The following FAM3D variants were observed in gnomAD, a reference collection of about 807,000 sequenced individuals.
The protein encoded by FAM3D is FAM3 metabolism regulating signaling molecule D, also known as protein FAM3D.
In FAM3D, 26 loss-of-function variants were observed where a neutral mutation model predicts 29.8. The observed-to-expected ratio is 0.87, with a 90% CI of 0.64 to 1.21. The LOEUF (loss-of-function observed/expected upper bound fraction) is 1.21. Among genes scored for constraint, FAM3D ranks in the 50% most tolerant of loss-of-function variants. The pLI, the probability that FAM3D is intolerant of heterozygous loss-of-function variation, is 0.00. For synonymous variants in FAM3D, 115 were observed against 102.3 expected (o/e 1.12, Z -0.75); for missense variants, 253 against 290.9 (o/e 0.87, Z 0.95).
At chr3:58,662,135 AG>A (rs1281229435) in intron 1 of FAM3D, among the ~76,000 whole-genome samples, 1 of 140,302 alleles carries the variant, frequency 7.1e-6, no homozygotes, top group Non-Finnish European at 1.6e-5. Context: ...AAACTGGATC[AG>A]GGTGGGGCTG....
chr3:58,647,994 T>G (rs1187891626), intron 4 of FAM3D, among the ~76,000 whole-genome samples: 2 of 152,186 alleles, frequency 1.3e-5, no homozygotes, highest in East Asian at 3.9e-4. Flanking sequence ...GGACCTCCTG[T>G]TAAAGGCTTA....
Position 58,634,042 on chromosome 3 carries a change from C to CA in FAM3D, c.*236dup. 2.1e-6 allele frequency: 1 copy of CA among 484,182 alleles called. No homozygotes were observed. The highest frequency in any genetic ancestry group is 3.5e-5 in the East Asian group (1 of 28,356). 30.0% of individuals were successfully genotyped at this position (484,182 alleles called of 1,614,324 possible). On this transcript the variant is annotated 3_prime_UTR_variant, in exon 10 of 10. Transcript: ENST00000358781. The surrounding 1 kb of genome is among the most constrained non-coding windows in gnomAD (Gnocchi z 4.6). ...TCAGCAGTCCCTGACGAAAGCACCC[C>CA]ATTCTCTCCACAGACAGCTGGTTCC...
At chr3:58,656,513 C>A (rs562103197) in intron 1 of FAM3D, among the ~76,000 whole-genome samples, 1 of 147,026 alleles carries the variant, frequency 6.8e-6, no homozygotes, top group Non-Finnish European at 1.5e-5. Flanking sequence ...TTCACCTCCC[C>A]CTGTGTCACC....
chr3:58,656,694 GC>G (rs1399002510), intron 1 of FAM3D, among the ~76,000 whole-genome samples: 1 of 152,090 alleles, frequency 6.6e-6, no homozygotes, highest in African/African-American at 2.4e-5. Flanking sequence ...CCTGTCCCCT[GC>G]CCACCCCAGA....
chr3:58,639,178 G>A (rs938805929), intron 7 of FAM3D, among the ~76,000 whole-genome samples: 1 of 152,084 alleles, frequency 6.6e-6, no homozygotes, highest in Non-Finnish European at 1.5e-5. Context: ...TGAGTCATCT[G>A]GACGGAATGA....
intron 4 of FAM3D, 128 bp downstream of exon 4, chr3:58,649,187 A>G: frequency 2.6e-6 from 3 of 1,166,432 alleles, no homozygotes; most frequent in Non-Finnish European, 3.6e-6. Context: ...AAGAATCAGG[A>G]AGCCCAGGTT....
intron 1 of FAM3D, among the ~76,000 whole-genome samples, chr3:58,659,514 C>A (rs1453436615): frequency 6.6e-6 from 1 of 152,226 alleles, no homozygotes; most frequent in Non-Finnish European, 1.5e-5. Context: ...AAAGAAGTGA[C>A]TATTTTCCCT....
At chr3:58,636,459 G>A (rs1178594735) in intron 8 of FAM3D, 39 bp from the exon 9 acceptor site, 1 of 1,607,784 alleles carries the variant, frequency 6.2e-7, no homozygotes, top group African/African-American at 1.3e-5. Context: ...ATGCGGGGGT[G>A]GGTCGCAGGG....
At chr3:58,659,085 T>C (rs1413886201) in intron 1 of FAM3D, among the ~76,000 whole-genome samples, 1 of 152,152 alleles carries the variant, frequency 6.6e-6, no homozygotes, top group Non-Finnish European at 1.5e-5. Context: ...AGGCTTTGAT[T>C]TCTTCCTTTG....
intron 6 of FAM3D, among the ~76,000 whole-genome samples, chr3:58,641,051 G>A (rs1408674387): frequency 6.6e-6 from 1 of 152,068 alleles, no homozygotes; most frequent in Admixed American, 6.5e-5. Context: ...GGGGGTGGGG[G>A]TGGCGGCCAG....
At chr3:58,653,814 C>A in intron 2 of FAM3D, 33 bp from the exon 3 acceptor site, 1 of 1,563,096 alleles carries the variant, frequency 6.4e-7, no homozygotes, top group African/African-American at 1.3e-5. Context: ...CAGGAGACCA[C>A]AGAGCCAAGA....
rs1434552898 is a variant in FAM3D, at chr3:58,635,875, G to A, written c.585+419C>T. Among the ~76,000 whole-genome samples the A allele has an allele frequency of 6.6e-6, 1 of 152,134 alleles. No homozygotes were observed. Among genetic ancestry groups the A allele is most frequent in the Non-Finnish European group, 1.5e-5 (1 of 68,030 alleles). ...GGCATCGGCCTCCTCCCTGCCTTCTGACTTCCCTCCTCGTTTTCTCCATGC... is the reference window on the plus strand; with the variant it reads ...GGCATCGGCCTCCTCCCTGCCTTCTAACTTCCCTCCTCGTTTTCTCCATGC... On this transcript the variant is annotated intron_variant, in intron 9 of 9. Coordinates refer to ENST00000358781, the MANE Select transcript of FAM3D (RefSeq NM_138805.3). This position sits in a 1 kb window ranked among gnomAD's most constrained non-coding sequence, Gnocchi z 5.2.
intron 4 of FAM3D, among the ~76,000 whole-genome samples, chr3:58,646,821 T>G (rs1043844114): frequency 2.6e-5 from 4 of 152,210 alleles, no homozygotes; most frequent in African/African-American, 9.6e-5. Context: ...TCCTGAAAAC[T>G]CCTGTGTCTG....
intron 3 of FAM3D, among the ~76,000 whole-genome samples, chr3:58,651,733 C>A (rs1482594461): frequency 6.6e-6 from 1 of 151,884 alleles, no homozygotes; most frequent in Non-Finnish European, 1.5e-5. Context: ...CTAGAGGACA[C>A]CCCTGAGCCT....
intron 7 of FAM3D, among the ~76,000 whole-genome samples, chr3:58,639,447 G>C (rs114168511): frequency 0.064 from 9,804 of 152,246 alleles, 383 homozygotes; most frequent in Non-Finnish European, 0.081. Flanking sequence ...CCATAAACCT[G>C]GCCCCAGGCC....
intron 7 of FAM3D, 141 bp from the exon 8 acceptor site, chr3:58,637,366 A>G: frequency 2.7e-6 from 2 of 731,038 alleles, no homozygotes; most frequent in Non-Finnish European, 4.5e-6. Context: ...GAGGAAGAGC[A>G]TCCCAGGTGG....
At chr3:58,638,766 A>G (rs953826250) in intron 7 of FAM3D, among the ~76,000 whole-genome samples, 1 of 152,162 alleles carries the variant, frequency 6.6e-6, no homozygotes, top group African/African-American at 2.4e-5. Context: ...CCATTCTCCC[A>G]ACTAAGGCCA....
chr3:58,642,355 G>C (rs549452793), intron 6 of FAM3D, among the ~76,000 whole-genome samples: 224 of 152,304 alleles, frequency 1.5e-3, no homozygotes, highest in South Asian at 5.6e-3. Context: ...GAAGTGCAGG[G>C]GCTTGGAGCT....
At chr3:58,649,762 G>A (rs2066581653) in intron 3 of FAM3D, among the ~76,000 whole-genome samples, 1 of 101,666 alleles carries the variant, frequency 9.8e-6, no homozygotes, top group African/African-American at 2.7e-5. Context: ...AAAGAAGCTG[G>A]GCTGTTTGAG....
Sources: gnomAD v4.1 joint callset for allele counts (sites outside exome capture counted in the v4.1 genomes callset) on GRCh38, gnomAD v4.1.1 for gene constraint, Gnocchi (gnomAD v3.1) non-coding constraint, MANE v1.5 for transcripts, NCBI Gene and HGNC (gene_info 2026-07-23, HGNC 2026-07-21) for gene names.